THNSL1: variants seen among roughly 807,000 people sequenced by gnomAD.
THNSL1 encodes the protein threonine synthase-like 1.
A neutral mutation model predicts 50.4 loss-of-function variants in THNSL1; 48 were observed. The observed-to-expected ratio is 0.95, with a 90% CI of 0.76 to 1.21. THNSL1 has a LOEUF of 1.21. THNSL1 is among the 50% of genes most tolerant of loss of function. The pLI is 0.00. For missense variants in THNSL1, 896 were observed against 871.7 expected, an observed-to-expected ratio of 1.03 and a Z score of -0.35; for synonymous variants, 309 against 306.1, an observed-to-expected ratio of 1.01 and a Z score of -0.10.
the THNSL1 span, among the ~76,000 whole-genome samples, chr10:24,988,447 A>G: frequency 6.9e-6 from 1 of 145,778 alleles, no homozygotes; most frequent in Non-Finnish European, 1.5e-5. Context: ...TTTATATTGT[A>G]CATATGTTAT....
At chr10:24,956,551 A>T in the THNSL1 span, among the ~76,000 whole-genome samples, 9 of 147,734 alleles carry the variant, frequency 6.1e-5, no homozygotes, top group Admixed American at 2.1e-4. Flanking sequence ...TATACATATT[A>T]TCTATGGGGT....
the THNSL1 span, among the ~76,000 whole-genome samples, chr10:25,010,550 C>T: frequency 1.1e-4 from 17 of 151,566 alleles, no homozygotes; most frequent in Admixed American, 2.0e-4. Context: ...CCCATTAACT[C>T]GTCATTTAGC....
At chr10:24,952,382 G>C in the THNSL1 span, 1 of 923,220 alleles carries the variant, frequency 1.1e-6, no homozygotes, top group Non-Finnish European at 1.7e-6. This position sits in a 1 kb window ranked among gnomAD's most constrained non-coding sequence, Gnocchi z 5.1. Context: ...GCCCGGGTCC[G>C]AGGATGGAAG....
At chr10:24,960,993 C>T in the THNSL1 span, among the ~76,000 whole-genome samples, 1 of 152,224 alleles carries the variant, frequency 6.6e-6, no homozygotes, top group African/African-American at 2.4e-5. Context: ...AGGGTCAAAT[C>T]TGCTATGTTT....
the THNSL1 span, among the ~76,000 whole-genome samples, chr10:24,969,145 CG>C: frequency 3.4e-4 from 52 of 152,274 alleles, 1 homozygote; most frequent in African/African-American, 1.2e-3. Flanking sequence ...CCACCCGCCG[CG>C]GCCTGTCGAA....
chr10:24,978,032 A>C, the THNSL1 span, among the ~76,000 whole-genome samples: 1 of 152,124 alleles, frequency 6.6e-6, no homozygotes, highest in Non-Finnish European at 1.5e-5. Flanking sequence ...CTATATAGGC[A>C]CCTCGTTTAG....
At chr10:25,016,195 A>T (rs1279380081), upstream of THNSL1, 2 of 1,172,600 alleles carry the variant, frequency 1.7e-6, no homozygotes, top group African/African-American at 3.2e-5. Context: ...GCAACGAGGA[A>T]GTGGCAGGCA....
chr10:24,980,741 G>C, the THNSL1 span, among the ~76,000 whole-genome samples: 2 of 152,054 alleles, frequency 1.3e-5, no homozygotes, highest in African/African-American at 2.4e-5. Flanking sequence ...GTTCAAGATA[G>C]AGTCTCCCTC....
At position 25,025,229 on chromosome 10, in the gene THNSL1, C is replaced by CA. The variant is rs776643375; in HGVS notation, c.2009dup (p.Phe671ValfsTer12). On this transcript the variant is annotated frameshift_variant, in exon 3 of 3. Transcript: ENST00000376356. LOFTEE classifies it high-confidence loss of function. The stretch of plus-strand genomic sequence containing the variant: ...ATTATCTCATCTACAGCCCATTACT[C>CA]AAAGTTTGCACCTGCTATCATGCAG... 4 of 1,614,060 alleles carry CA rather than the reference C, an allele frequency of 2.5e-6. No individual in the cohort carries two copies. The highest frequency in any genetic ancestry group is 1.3e-5 in the African/African-American group (1 of 74,938).
the THNSL1 span, among the ~76,000 whole-genome samples, chr10:25,000,919 A>C: frequency 6.6e-6 from 1 of 152,072 alleles, no homozygotes; most frequent in Non-Finnish European, 1.5e-5. Context: ...GGTTTAACTT[A>C]TCAGAGCCTA....
Position 25,024,872 on chromosome 10 carries a change from A to C in THNSL1, c.1649A>C (p.Asp550Ala). The change falls in exon 3 of 3, where the codon GAT becomes GCT. Residue 550 changes from aspartate (D) to alanine (A), a missense_variant. Coordinates refer to ENST00000376356, the MANE Select transcript of THNSL1 (RefSeq NM_024838.5). ...LTDFIKTGHY[D>A]LRERKLAQTF... ...GATTTTATAAAAACAGGACATTATG[A>C]TCTAAGGGAAAGAAAACTAGCACAA... 1 of 1,614,044 alleles carries C rather than the reference A, an allele frequency of 6.2e-7. No homozygotes were observed. The highest frequency in any genetic ancestry group is 1.1e-5 in the South Asian group (1 of 91,076).
chr10:25,014,203 T>C (rs1375540847), upstream of THNSL1, among the ~76,000 whole-genome samples: 2 of 152,106 alleles, frequency 1.3e-5, no homozygotes, highest in African/African-American at 2.4e-5. Flanking sequence ...TAAATTTTAG[T>C]GTTCATATTT....
chr10:24,952,768 GC>G, the THNSL1 span, among the ~76,000 whole-genome samples: 8 of 151,564 alleles, frequency 5.3e-5, no homozygotes, highest in Admixed American at 3.3e-4. This position sits in a 1 kb window ranked among gnomAD's most constrained non-coding sequence, Gnocchi z 5.1. Flanking sequence ...CCGGCGCTGC[GC>G]CCCCTCCCCT....
rs768048152 is a variant in THNSL1, at chr10:25,025,103, C to G, written c.1880C>G (p.Ala627Gly). 8 of 1,614,190 alleles carry G rather than the reference C, an allele frequency of 5.0e-6. No homozygotes were observed. In the Admixed American group the frequency reaches 1.0e-4, roughly 20 times the overall value. ...TGCTCTGAGGGAGAGTGCCTAGCAG[C>G]TATTAACTCCACCTATAATACTTCA... ...DWCSEGECLA[A>G]INSTYNTSGY... The change falls in exon 3 of 3, where the codon GCT becomes GGT. Residue 627 changes from alanine (A) to glycine (G), a missense_variant. By Grantham distance (60) the Ala-to-Gly change is moderately conservative. Coordinates refer to ENST00000376356, the MANE Select transcript of THNSL1 (RefSeq NM_024838.5).
the THNSL1 span, among the ~76,000 whole-genome samples, chr10:24,996,746 T>C: frequency 6.6e-6 from 1 of 152,202 alleles, no homozygotes; most frequent in Admixed American, 6.5e-5. Flanking sequence ...ACTTTTATTA[T>C]CAGCAAAGCC....
chr10:24,967,396 T>C, the THNSL1 span, among the ~76,000 whole-genome samples: 6 of 152,202 alleles, frequency 3.9e-5, no homozygotes, highest in African/African-American at 1.4e-4. Context: ...CTTTGGCTCT[T>C]ACAACTGAGA....
the THNSL1 span, among the ~76,000 whole-genome samples, chr10:25,006,595 C>T: frequency 6.6e-6 from 1 of 152,094 alleles, no homozygotes; most frequent in Non-Finnish European, 1.5e-5. Context: ...GTAGCTCTAC[C>T]TTACTTTTCT....
rs752620057 is a variant in THNSL1 at position 25,025,294 on chromosome 10, C to G, written c.2071C>G (p.Gln691Glu). The G allele has an allele frequency of 6.2e-7, 1 of 1,614,204 alleles. No homozygotes were observed. Among genetic ancestry groups the G allele is most frequent in the South Asian group, 1.1e-5 (1 of 91,080 alleles). Residue 691 changes from glutamine to glutamate, a missense_variant, in exon 3 of 3, where the codon CAG (glutamine) becomes GAG (glutamate). By Grantham distance (29) the Gln-to-Glu change is conservative. Coordinates refer to ENST00000376356, the MANE Select transcript of THNSL1 (RefSeq NM_024838.5). ...IKEINETSSSQLYLLGSYNAL... is the reference protein window; with the variant it reads ...IKEINETSSSELYLLGSYNAL... Reference sequence around the variant, plus strand: ...AGAAATCAATGAGACTTCATCAAGTCAGCTCTATTTGCTGGGTTCATACAA... The same window carrying G: ...AGAAATCAATGAGACTTCATCAAGTGAGCTCTATTTGCTGGGTTCATACAA...
At chr10:25,008,169 C>T in the THNSL1 span, among the ~76,000 whole-genome samples, 1 of 152,090 alleles carries the variant, frequency 6.6e-6, no homozygotes, top group African/African-American at 2.4e-5. Context: ...ACTAAAATAG[C>T]TTCTAACACT....
Sources: allele counts gnomAD v4.1 joint callset (sites outside exome capture counted in the v4.1 genomes callset), GRCh38; gene constraint gnomAD v4.1.1; non-coding constraint Gnocchi (gnomAD v3.1); transcripts MANE v1.5; gene names NCBI Gene and HGNC (gene_info 2026-07-23, HGNC 2026-07-21).